Variants in EPHB1 observed in about 807,000 individuals in gnomAD.
The protein encoded by EPHB1 is ephrin type-B receptor 1.
In EPHB1, 30 loss-of-function variants were observed where a neutral mutation model predicts 94.4. The ratio of observed to expected loss-of-function variants is 0.32; its 90% CI spans 0.24 to 0.43. The LOEUF (loss-of-function observed/expected upper bound fraction) is 0.43. EPHB1 is among the 20% of genes least tolerant of loss of function. The pLI is 1.00. For missense variants in EPHB1, 1,055 were observed against 1,308.3 expected (o/e 0.81, Z 2.99); for synonymous variants, 522 against 489.1 (o/e 1.07, Z -0.89).
intron 3 of EPHB1, among the ~76,000 whole-genome samples, chr3:134,982,122 C>G (rs888317500): frequency 6.6e-6 from 1 of 152,156 alleles, no homozygotes; most frequent in Non-Finnish European, 1.5e-5. Flanking sequence ...GAGTCCAAGT[C>G]CTTACTCTTC....
intron 2 of EPHB1, among the ~76,000 whole-genome samples, chr3:134,949,663 C>A (rs1284360784): frequency 6.6e-6 from 1 of 152,196 alleles, no homozygotes; most frequent in African/African-American, 2.4e-5. Context: ...TTACCTTGAT[C>A]ACCACTCCTA....
intron 12 of EPHB1, among the ~76,000 whole-genome samples, chr3:135,228,297 G>A (rs1559882826): frequency 1.3e-5 from 2 of 152,002 alleles, no homozygotes; most frequent in Non-Finnish European, 2.9e-5. Flanking sequence ...TTTGTCTGAT[G>A]TCCCTTCATG....
chr3:135,150,618 A>G (rs145659636), intron 5 of EPHB1, among the ~76,000 whole-genome samples: 3 of 152,276 alleles, frequency 2.0e-5, no homozygotes, highest in African/African-American at 7.2e-5. Flanking sequence ...CTTGGTTTCT[A>G]GGCGATCACA....
At chr3:135,214,201 C>T (rs1267625217) in intron 12 of EPHB1, among the ~76,000 whole-genome samples, 1 of 152,150 alleles carries the variant, frequency 6.6e-6, no homozygotes, top group Non-Finnish European at 1.5e-5. Flanking sequence ...TGGCCATCTG[C>T]CCCCTCCTCT....
intron 1 of EPHB1, among the ~76,000 whole-genome samples, chr3:134,909,939 G>C (rs932886167): frequency 6.6e-6 from 1 of 152,182 alleles, no homozygotes; most frequent in Admixed American, 6.5e-5. Context: ...AAAGGACCTA[G>C]AGTGATCAGC....
intron 1 of EPHB1, among the ~76,000 whole-genome samples, chr3:134,894,112 A>T (rs1325593893): frequency 3.3e-5 from 5 of 152,176 alleles, no homozygotes; most frequent in Non-Finnish European, 7.3e-5. Context: ...CAAAGCAGGG[A>T]TTCTAAGCTG....
At chr3:135,107,221 C>T (rs954006333) in intron 4 of EPHB1, among the ~76,000 whole-genome samples, 13 of 152,114 alleles carry the variant, frequency 8.5e-5, no homozygotes, top group Non-Finnish European at 1.5e-4. Flanking sequence ...TTCTAGGGAC[C>T]GGAGCTAATG....
intron 12 of EPHB1, among the ~76,000 whole-genome samples, chr3:135,237,561 C>G (rs1943686322): frequency 6.6e-6 from 1 of 152,098 alleles, no homozygotes; most frequent in Admixed American, 6.5e-5. Context: ...TAGGGAAACC[C>G]AGTCCCTGCA....
chr3:134,995,672 C>A (rs553868375), intron 3 of EPHB1, among the ~76,000 whole-genome samples: 1 of 152,264 alleles, frequency 6.6e-6, no homozygotes, highest in African/African-American at 2.4e-5. Context: ...AATGGAAAAA[C>A]TGGATTACAT....
intron 1 of EPHB1, among the ~76,000 whole-genome samples, chr3:134,819,250 T>A (rs545763564): frequency 5.3e-5 from 8 of 152,124 alleles, no homozygotes; most frequent in Non-Finnish European, 1.0e-4. Context: ...GAGCTTCTGT[T>A]TGATGTGTGT....
chr3:135,107,647 TTC>T (rs1382587256), intron 4 of EPHB1, among the ~76,000 whole-genome samples: 1 of 152,190 alleles, frequency 6.6e-6, no homozygotes, highest in African/African-American at 2.4e-5. Context: ...CATTTATACT[TTC>T]TGTTTGATGA....
intron 3 of EPHB1, among the ~76,000 whole-genome samples, chr3:134,970,890 A>G (rs1933947578): frequency 6.6e-6 from 1 of 152,224 alleles, no homozygotes; most frequent in South Asian, 2.1e-4. Flanking sequence ...AAGCAATTAA[A>G]CCATTTTCCC....
At chr3:134,808,395 G>A (rs528983794) in intron 1 of EPHB1, among the ~76,000 whole-genome samples, 1 of 152,262 alleles carries the variant, frequency 6.6e-6, no homozygotes, top group East Asian at 1.9e-4. Context: ...TAGCTGAGGG[G>A]GAAGGGCTAG....
At chr3:135,112,620 CT>C (rs1397021157) in intron 4 of EPHB1, among the ~76,000 whole-genome samples, 3 of 146,430 alleles carry the variant, frequency 2.0e-5, no homozygotes, top group Non-Finnish European at 3.0e-5. Context: ...ATTCCGACCT[CT>C]GAGTGAGGAC....
rs1559768884 is a variant in EPHB1 at position 134,951,710 on chromosome 3, C to T, written c.463C>T (p.Leu155=). ...CTCCCAGGTGGACTTTGGGGGAAGG[C>T]TGATGAAGGTAAACACAGAAGTCAG... The part of the protein sequence containing the change: ...SFSQVDFGGR[L]MKVNTEVRSF... The change falls in exon 3 of 16, where the codon CTG becomes TTG. Residue 155 remains leucine, a synonymous_variant. Coordinates refer to ENST00000398015, the MANE Select transcript of EPHB1 (RefSeq NM_004441.5). This position sits in a 1 kb window ranked among gnomAD's most constrained non-coding sequence, Gnocchi z 4.5. 1.2e-6 allele frequency: 2 copies of T among 1,613,968 alleles called. No homozygotes were observed. The highest frequency in any genetic ancestry group is 1.7e-5 in the Admixed American group (1 of 59,994).
intron 5 of EPHB1, among the ~76,000 whole-genome samples, chr3:135,134,792 C>T (rs1261754979): frequency 6.6e-6 from 1 of 152,202 alleles, no homozygotes; most frequent in Non-Finnish European, 1.5e-5. Flanking sequence ...GAATGACAAT[C>T]CTGCCAGGCT....
rs112296124 is a variant in EPHB1 at position 135,203,944 on chromosome 3, A to G, written c.2346+2255A>G. On this transcript the variant is annotated intron_variant, in intron 12 of 15. Transcript: ENST00000398015. ...CTCACAAAGGGTTGCTGCTTCAACA[A>G]TGAAAAATGATGCCTCATTTTTAAA... 1.8e-3 allele frequency among the ~76,000 whole-genome samples: 271 copies of G among 152,302 alleles called. 1 individual carries two copies. Among genetic ancestry groups the G allele is most frequent in the African/African-American group, 6.1e-3 (253 of 41,578 alleles).
intron 1 of EPHB1, among the ~76,000 whole-genome samples, chr3:134,808,370 G>A (rs1004491821): frequency 3.9e-5 from 6 of 152,142 alleles, no homozygotes; most frequent in Non-Finnish European, 8.8e-5. Flanking sequence ...TGGGTCATGT[G>A]TCTATGAAAC....
At chr3:135,133,097 T>A (rs1160519858) in intron 5 of EPHB1, 48 bp downstream of exon 5, 1 of 1,521,050 alleles carries the variant, frequency 6.6e-7, no homozygotes, top group Admixed American at 1.9e-5. Context: ...TGGCTGGCTC[T>A]TTGTCTCTAG....
Sources: allele counts gnomAD v4.1 joint callset (sites outside exome capture counted in the v4.1 genomes callset), GRCh38; gene constraint gnomAD v4.1.1; non-coding constraint Gnocchi (gnomAD v3.1); transcripts MANE v1.5; gene names NCBI Gene and HGNC (gene_info 2026-07-23, HGNC 2026-07-21).